The following C12orf42 variants were observed in gnomAD, a reference collection of about 807,000 sequenced individuals.
The protein encoded by C12orf42 is uncharacterized protein C12orf42.
In C12orf42, 25 loss-of-function variants were observed where a neutral mutation model predicts 21.6. The observed-to-expected ratio is 1.16, with a 90% CI of 0.84 to 1.62. C12orf42 has a LOEUF of 1.62. Among genes scored for constraint, C12orf42 ranks in the 40% most tolerant of loss-of-function variants. The probability of loss-of-function intolerance (pLI) is 0.00; values close to 1 mark genes in which losing one functional copy is unlikely to be tolerated. For missense variants in C12orf42, 483 were observed against 459.3 expected, an observed-to-expected ratio of 1.05 and a Z score of -0.47; for synonymous variants, 174 against 175.0, an observed-to-expected ratio of 0.99 and a Z score of 0.05.
intron 2 of C12orf42, among the ~76,000 whole-genome samples, chr12:103,436,730 A>G (rs1043083766): frequency 1.3e-5 from 2 of 152,220 alleles, no homozygotes; most frequent in Admixed American, 6.5e-5. Flanking sequence ...CACCCAATAC[A>G]GGAGCACCCA....
Position 103,395,596 on chromosome 12 carries a change from A to G in C12orf42, c.147+6011T>C, listed in dbSNP as rs139617479. Among the ~76,000 whole-genome samples, 729 of 152,252 alleles carry G rather than the reference A, an allele frequency of 4.8e-3. 4 individuals are homozygous for G. Among genetic ancestry groups the G allele is most frequent in the African/African-American group, 0.016 (676 of 41,568 alleles). On this transcript the variant is annotated intron_variant, in intron 3 of 5. Coordinates refer to ENST00000548883, the MANE Select transcript of C12orf42 (RefSeq NM_198521.5). ...GCGATCTGCCCGCCTCGGCCTCCCAAAGAGCTGGGATTACAGGCGTGAGCC... is the reference window on the plus strand; with the variant it reads ...GCGATCTGCCCGCCTCGGCCTCCCAGAGAGCTGGGATTACAGGCGTGAGCC...
intron 1 of C12orf42, among the ~76,000 whole-genome samples, chr12:103,495,314 G>A (rs997291306): frequency 3.3e-5 from 5 of 152,118 alleles, no homozygotes; most frequent in Non-Finnish European, 7.4e-5. Flanking sequence ...TTCCTGGTGC[G>A]GAGATCTGGG....
chr12:103,470,817 T>C (rs1458433175), intron 2 of C12orf42, among the ~76,000 whole-genome samples: 1 of 152,096 alleles, frequency 6.6e-6, no homozygotes, highest in South Asian at 2.1e-4. Flanking sequence ...CAGTTCCAGC[T>C]GAATGCAGCC....
chr12:103,455,218 T>C (rs1357516219), intron 2 of C12orf42, among the ~76,000 whole-genome samples: 1 of 152,138 alleles, frequency 6.6e-6, no homozygotes, highest in African/African-American at 2.4e-5. Context: ...CCATGGAGAC[T>C]TCTATTCAAG....
intron 2 of C12orf42, among the ~76,000 whole-genome samples, chr12:103,458,426 C>T (rs576594636): frequency 6.6e-6 from 1 of 152,204 alleles, no homozygotes; most frequent in South Asian, 2.1e-4. Flanking sequence ...ATAGGATAGG[C>T]GAAACTAGAT....
At chr12:103,111,771 G>T in the C12orf42 span, among the ~76,000 whole-genome samples, 1 of 152,106 alleles carries the variant, frequency 6.6e-6, no homozygotes, top group African/African-American at 2.4e-5. Flanking sequence ...AATTCACACA[G>T]AATTTTAAGA....
intron 4 of C12orf42, among the ~76,000 whole-genome samples, chr12:103,313,077 A>G (rs914928794): frequency 1.3e-5 from 2 of 152,196 alleles, no homozygotes. Flanking sequence ...TAACTCTAGC[A>G]TGTTCATGTT....
At chr12:103,480,811 T>A (rs1401472088) in intron 1 of C12orf42, among the ~76,000 whole-genome samples, 1 of 151,638 alleles carries the variant, frequency 6.6e-6, no homozygotes, top group African/African-American at 2.4e-5. Flanking sequence ...ATAGTCTCCA[T>A]GTAGCCAATT....
At chr12:103,198,604 C>T in the C12orf42 span, among the ~76,000 whole-genome samples, 1 of 152,232 alleles carries the variant, frequency 6.6e-6, no homozygotes, top group African/African-American at 2.4e-5. Flanking sequence ...ACTGCTGACT[C>T]TGCAAGCAGC....
At chr12:103,104,814 C>T in the C12orf42 span, among the ~76,000 whole-genome samples, 1 of 152,228 alleles carries the variant, frequency 6.6e-6, no homozygotes, top group East Asian at 1.9e-4. Flanking sequence ...GAACCTGAGG[C>T]ATCCACATAA....
intron 4 of C12orf42, among the ~76,000 whole-genome samples, chr12:103,348,440 C>A: frequency 6.6e-6 from 1 of 152,156 alleles, no homozygotes; most frequent in East Asian, 1.9e-4. Context: ...GAAATAACTT[C>A]CAAGTGAACA....
chr12:103,326,581 G>A (rs954241748), intron 4 of C12orf42, among the ~76,000 whole-genome samples: 6 of 152,250 alleles, frequency 3.9e-5, no homozygotes, highest in African/African-American at 1.4e-4. Context: ...CCACAGTGGC[G>A]TTCTTCCTGC....
the C12orf42 span, among the ~76,000 whole-genome samples, chr12:103,116,101 C>T: frequency 3.3e-5 from 5 of 152,190 alleles, no homozygotes; most frequent in Non-Finnish European, 7.3e-5. Context: ...GTGGCTCACG[C>T]CTGTAATCCC....
intron 2 of C12orf42, among the ~76,000 whole-genome samples, chr12:103,413,113 C>A (rs957272344): frequency 2.0e-5 from 3 of 152,154 alleles, no homozygotes; most frequent in Admixed American, 6.5e-5. Flanking sequence ...AATCTTTGAT[C>A]CATTTTGAGT....
chr12:103,099,416 T>G, the C12orf42 span, among the ~76,000 whole-genome samples: 2 of 152,132 alleles, frequency 1.3e-5, no homozygotes, highest in Non-Finnish European at 2.9e-5. Context: ...AACCAATAAT[T>G]TAAAAATCCA....
At chr12:103,149,431 G>C in the C12orf42 span, among the ~76,000 whole-genome samples, 1 of 152,144 alleles carries the variant, frequency 6.6e-6, no homozygotes, top group Non-Finnish European at 1.5e-5. Context: ...TTAGTATAAA[G>C]AAATATAAGT....
intron 2 of C12orf42, among the ~76,000 whole-genome samples, chr12:103,412,552 C>G (rs1433264040): frequency 6.6e-6 from 1 of 152,142 alleles, no homozygotes; most frequent in African/African-American, 2.4e-5. Flanking sequence ...ACCTCTAATC[C>G]CAGCTACTCA....
At chr12:103,397,607 T>C (rs1474998553) in intron 3 of C12orf42, 1 of 152,224 alleles carries the variant, frequency 6.6e-6, no homozygotes, top group Non-Finnish European at 1.5e-5. Context: ...GGAAAAATTA[T>C]CTTCCACAAA....
intron 2 of C12orf42, among the ~76,000 whole-genome samples, chr12:103,447,556 C>T (rs1951658700): frequency 6.6e-6 from 1 of 151,858 alleles, no homozygotes; most frequent in Admixed American, 6.6e-5. Flanking sequence ...AAGAACCATC[C>T]AAAAAGCTCT....
Sources: gnomAD v4.1 joint callset for allele counts (sites outside exome capture counted in the v4.1 genomes callset) on GRCh38, gnomAD v4.1.1 for gene constraint, MANE v1.5 for transcripts, NCBI Gene and HGNC (gene_info 2026-07-23, HGNC 2026-07-21) for gene names.